SGCZ: variants seen among roughly 807,000 people sequenced by gnomAD.
SGCZ encodes the protein zeta-sarcoglycan.
SGCZ carries 40 observed loss-of-function variants against 41.3 expected under a neutral mutation model. The observed-to-expected ratio is 0.97, with a 90% CI of 0.75 to 1.26. SGCZ has a LOEUF of 1.26. SGCZ is among the 50% of genes most tolerant of loss of function. The pLI is 0.00. For synonymous variants in SGCZ, 206 were observed against 137.5 expected, an observed-to-expected ratio of 1.50 and a Z score of -3.49; for missense variants, 552 against 369.8, an observed-to-expected ratio of 1.49 and a Z score of -4.04.
chr8:15,175,287 C>G (rs1330971000), intron 1 of SGCZ, among the ~76,000 whole-genome samples: 1 of 151,928 alleles, frequency 6.6e-6, no homozygotes, highest in Non-Finnish European at 1.5e-5. Context: ...AACCCAAAAG[C>G]CCATCAATGA....
intron 2 of SGCZ, among the ~76,000 whole-genome samples, chr8:14,389,509 G>C (rs908271124): frequency 6.7e-6 from 1 of 150,226 alleles, no homozygotes; most frequent in African/African-American, 2.4e-5. Flanking sequence ...CAAAAGTCAT[G>C]ATAATCACAA....
intron 2 of SGCZ, among the ~76,000 whole-genome samples, chr8:14,355,749 G>A (rs1585400196): frequency 6.6e-6 from 1 of 151,844 alleles, no homozygotes; most frequent in Non-Finnish European, 1.5e-5. Context: ...CACAGTGTCT[G>A]GCATACTCAG....
At chr8:14,439,138 C>T (rs560930826) in intron 2 of SGCZ, among the ~76,000 whole-genome samples, 3 of 151,734 alleles carry the variant, frequency 2.0e-5, no homozygotes, top group African/African-American at 4.8e-5. Context: ...TGCCTTTGAC[C>T]GTGATACATT....
intron 5 of SGCZ, among the ~76,000 whole-genome samples, chr8:14,131,938 C>T (rs1223309788): frequency 1.3e-5 from 2 of 152,050 alleles, no homozygotes; most frequent in Non-Finnish European, 2.9e-5. Context: ...GCTGTCCCAT[C>T]TAGGGCTGTG....
intron 1 of SGCZ, among the ~76,000 whole-genome samples, chr8:14,670,238 A>G (rs1406939831): frequency 6.6e-6 from 1 of 152,150 alleles, no homozygotes; most frequent in Non-Finnish European, 1.5e-5. Flanking sequence ...GAAGTTTTAT[A>G]TTGTAGCGAT....
intron 1 of SGCZ, among the ~76,000 whole-genome samples, chr8:14,615,067 G>C (rs940939985): frequency 6.6e-6 from 1 of 151,978 alleles, no homozygotes; most frequent in African/African-American, 2.4e-5. Flanking sequence ...TTTTGTGAAA[G>C]TTTAACACAA....
chr8:14,916,855 T>C (rs548755039), intron 1 of SGCZ, among the ~76,000 whole-genome samples: 1 of 152,266 alleles, frequency 6.6e-6, no homozygotes, highest in African/African-American at 2.4e-5. Context: ...CGCATAGTTA[T>C]TTTTTAAAAA....
chr8:14,644,739 C>G (rs974908303), intron 1 of SGCZ, among the ~76,000 whole-genome samples: 8 of 151,576 alleles, frequency 5.3e-5, no homozygotes, highest in Admixed American at 1.3e-4. Context: ...TCAGAATAAT[C>G]TAGAAATGCA....
intron 2 of SGCZ, among the ~76,000 whole-genome samples, chr8:14,395,605 A>T (rs1007957610): frequency 2.0e-5 from 3 of 152,202 alleles, no homozygotes; most frequent in Admixed American, 2.0e-4. Context: ...TTGATTTTCA[A>T]TTATAAGATA....
At chr8:14,263,351 C>A (rs1239436006) in intron 3 of SGCZ, among the ~76,000 whole-genome samples, 4 of 152,024 alleles carry the variant, frequency 2.6e-5, no homozygotes, top group Non-Finnish European at 2.9e-5. Context: ...GAGTTTGAAA[C>A]CAGCCTGGCC....
chr8:14,974,380 A>T (rs1186979084), intron 1 of SGCZ, among the ~76,000 whole-genome samples: 1 of 152,218 alleles, frequency 6.6e-6, no homozygotes, highest in Non-Finnish European at 1.5e-5. Context: ...CACATAGAAC[A>T]TACAACTGGG....
intron 1 of SGCZ, among the ~76,000 whole-genome samples, chr8:14,931,800 C>G (rs1799929797): frequency 6.6e-6 from 1 of 152,042 alleles, no homozygotes; most frequent in African/African-American, 2.4e-5. Flanking sequence ...CGTCAGTCAG[C>G]CACTCCCAAC....
intron 4 of SGCZ, among the ~76,000 whole-genome samples, chr8:14,233,335 G>T (rs941791992): frequency 5.3e-5 from 8 of 151,558 alleles, no homozygotes; most frequent in Admixed American, 1.3e-4. Flanking sequence ...TTTTAAAGGA[G>T]AAATTATTTT....
chr8:14,229,134 A>C (rs1806474060), intron 4 of SGCZ, among the ~76,000 whole-genome samples: 1 of 152,134 alleles, frequency 6.6e-6, no homozygotes, highest in Admixed American at 6.6e-5. Context: ...AATCTCTAGA[A>C]TTCCCTGATT....
intron 5 of SGCZ, among the ~76,000 whole-genome samples, chr8:14,119,942 T>C (rs1563137983): frequency 6.6e-6 from 1 of 152,140 alleles, no homozygotes; most frequent in Non-Finnish European, 1.5e-5. Context: ...AACTTTTTGA[T>C]GTGCTGCTAG....
At chr8:14,138,011 G>A (rs1803254412) in intron 5 of SGCZ, among the ~76,000 whole-genome samples, 1 of 152,214 alleles carries the variant, frequency 6.6e-6, no homozygotes, top group Non-Finnish European at 1.5e-5. Flanking sequence ...CCAGAAGAGA[G>A]TGGGGGCCAA....
intron 2 of SGCZ, among the ~76,000 whole-genome samples, chr8:14,509,045 G>C (rs1802390618): frequency 6.6e-6 from 1 of 152,056 alleles, no homozygotes; most frequent in African/African-American, 2.4e-5. Flanking sequence ...TGAAACATTT[G>C]TTCACTCTCA....
At chr8:15,225,795 T>C (rs999755429) in intron 1 of SGCZ, among the ~76,000 whole-genome samples, 3 of 152,172 alleles carry the variant, frequency 2.0e-5, no homozygotes, top group African/African-American at 7.2e-5. Context: ...TAAAGAAGAA[T>C]GTGTCTCTGG....
At chr8:14,544,448 G>A (rs567086380) in intron 2 of SGCZ, among the ~76,000 whole-genome samples, 6 of 152,082 alleles carry the variant, frequency 3.9e-5, no homozygotes, top group Admixed American at 6.6e-5. Flanking sequence ...AAAAACAGCC[G>A]TATTTTCCTT....
Sources: gnomAD v4.1 joint callset for allele counts (sites outside exome capture counted in the v4.1 genomes callset) on GRCh38, gnomAD v4.1.1 for gene constraint, MANE v1.5 for transcripts, NCBI Gene and HGNC (gene_info 2026-07-23, HGNC 2026-07-21) for gene names.